Variants in ADPRH observed in about 807,000 individuals in gnomAD.
ADPRH encodes ADP-ribose-L-arginine cleaving enzyme.
ADPRH carries 27 observed loss-of-function variants against 28.8 expected under a neutral mutation model. The observed-to-expected ratio is 0.94, with a 90% CI of 0.69 to 1.29. The LOEUF (loss-of-function observed/expected upper bound fraction) is 1.29, where lower values mean the gene tolerates loss of function less well. Among genes scored for constraint, ADPRH ranks in the 50% most tolerant of loss-of-function variants. The pLI is 0.00. For synonymous variants in ADPRH, 161 were observed against 166.9 expected, an observed-to-expected ratio of 0.96 and a Z score of 0.27; for missense variants, 419 against 444.8, an observed-to-expected ratio of 0.94 and a Z score of 0.52.
chr3:119,582,010 T>G, intron 2 of ADPRH, 124 bp from the exon 3 acceptor site: 434 of 699,540 alleles, frequency 6.2e-4, no homozygotes, highest in Non-Finnish European at 9.3e-4. Flanking sequence ...GAGGATTACA[T>G]GAGATGCCAC....
At position 119,582,380 on chromosome 3, in the gene ADPRH, G is replaced by T. The variant is rs1433468380; in HGVS notation, c.211G>T (p.Gly71Trp). ...LATAEALVEA[G>W]KAPKLTQLYY... is the part of the protein sequence containing the mutation. ...CACAGCAGAAGCTCTTGTGGAAGCTGGGAAAGCCCCTAAGTTGACTCAACT... is the reference window on the plus strand; with the variant it reads ...CACAGCAGAAGCTCTTGTGGAAGCTTGGAAAGCCCCTAAGTTGACTCAACT... The change falls in exon 3 of 5, where the codon GGG becomes TGG. Residue 71 changes from glycine to tryptophan, a missense_variant. Gly to Trp is a radical substitution (Grantham distance 184). Transcript: ENST00000357003. 6 of 1,614,172 alleles carry T rather than the reference G, an allele frequency of 3.7e-6. No homozygotes were observed. Among genetic ancestry groups the T allele is most frequent in the Non-Finnish European group, 5.1e-6 (6 of 1,180,028 alleles).
At chr3:119,584,877 C>T (rs573952870) in intron 3 of ADPRH, among the ~76,000 whole-genome samples, 1 of 152,294 alleles carries the variant, frequency 6.6e-6, no homozygotes, top group Admixed American at 6.5e-5. Flanking sequence ...CTCGCTGTGT[C>T]CTCACATGGT....
intron 2 of ADPRH, 78 bp from the exon 3 acceptor site, chr3:119,582,056 A>T: frequency 5.9e-6 from 7 of 1,180,120 alleles, no homozygotes; most frequent in Non-Finnish European, 8.4e-6. Flanking sequence ...TGCTCAATAA[A>T]ACATAGCTAG....
chr3:119,583,978 A>G (rs1204467157), intron 3 of ADPRH, among the ~76,000 whole-genome samples: 1 of 151,604 alleles, frequency 6.6e-6, no homozygotes, highest in Non-Finnish European at 1.5e-5. Flanking sequence ...GGGTTTCACC[A>G]TGTTGGCCAG....
intron 3 of ADPRH, among the ~76,000 whole-genome samples, chr3:119,583,052 A>T (rs1462949807): frequency 1.3e-5 from 2 of 152,158 alleles, no homozygotes; most frequent in Non-Finnish European, 2.9e-5. Context: ...GCTGGGGACT[A>T]CAACTCCAGA....
chr3:119,581,510 G>A (rs934160869), intron 2 of ADPRH, among the ~76,000 whole-genome samples: 4 of 152,188 alleles, frequency 2.6e-5, no homozygotes, highest in Admixed American at 6.5e-5. Flanking sequence ...GAGGCTGAGT[G>A]GTGTGATACC....
intron 4 of ADPRH, 79 bp from the exon 5 acceptor site, chr3:119,587,383 TCA>T: frequency 8.3e-7 from 1 of 1,206,554 alleles, no homozygotes; most frequent in Non-Finnish European, 1.1e-6. Context: ...TTTTCTCTGT[TCA>T]CACATCCATC....
chr3:119,584,978 C>T (rs151294280), intron 3 of ADPRH, among the ~76,000 whole-genome samples: 1 of 152,210 alleles, frequency 6.6e-6, no homozygotes, highest in Non-Finnish European at 1.5e-5. Context: ...TAGGGCCTAC[C>T]CTAAAGGCCA....
chr3:119,586,424 C>T lies in ADPRH; in HGVS notation c.438C>T (p.Ser146=), dbSNP rs919242705. ...TCGGTCTCAGGTTCCCACACCATAG[C>T]CAACTGGACACACTGATCCAAGTGA... ...MCIGLRFPHH[S]QLDTLIQVSI... The change falls in exon 4 of 5, where the codon AGC becomes AGT. Residue 146 remains serine (S), a synonymous_variant. Transcript: ENST00000357003. 1.6e-5 allele frequency: 26 copies of T among 1,614,210 alleles called. No individual in the cohort carries two copies. The highest frequency in any genetic ancestry group is 2.1e-5 in the Non-Finnish European group (25 of 1,180,040).
intron 2 of ADPRH, among the ~76,000 whole-genome samples, chr3:119,581,146 C>A (rs1287743492): frequency 6.7e-6 from 1 of 148,608 alleles, no homozygotes; most frequent in Non-Finnish European, 1.5e-5. Flanking sequence ...CGGCTCACTG[C>A]AACCTCTGCC....
At chr3:119,584,212 A>G (rs970455217) in intron 3 of ADPRH, among the ~76,000 whole-genome samples, 1 of 151,992 alleles carries the variant, frequency 6.6e-6, no homozygotes, top group African/African-American at 2.4e-5. Flanking sequence ...ACTTACTTGT[A>G]TTTCTAAGTT....
intron 3 of ADPRH, among the ~76,000 whole-genome samples, chr3:119,583,665 A>G (rs1350068284): frequency 6.6e-6 from 1 of 152,196 alleles, no homozygotes; most frequent in African/African-American, 2.4e-5. Context: ...TAATCCCAAC[A>G]CTGTGAAAGG....
intron 3 of ADPRH, among the ~76,000 whole-genome samples, chr3:119,584,361 G>C (rs1021116760): frequency 1.3e-5 from 2 of 152,042 alleles, no homozygotes; most frequent in Non-Finnish European, 2.9e-5. Context: ...TCAGGAGTTT[G>C]AGACTAGCCT....
rs1401212537 is a variant in ADPRH, at chr3:119,586,625, A to G, written c.639A>G (p.Val213=). 7 of 1,613,866 alleles carry G rather than the reference A, an allele frequency of 4.3e-6. No individual in the cohort carries two copies. In the South Asian group the frequency reaches 5.5e-5, roughly 13 times the overall value. The change falls in exon 4 of 5, where the codon GTA becomes GTG. Residue 213 remains valine, a synonymous_variant. Coordinates refer to ENST00000357003, the MANE Select transcript of ADPRH (RefSeq NM_001125.4). Reference sequence around the variant, plus strand: ...ACATTGTCCAATCAGGCTACTTTGTAGAGGAAAATCTTCAACACTGGTGAG... The same window carrying G: ...ACATTGTCCAATCAGGCTACTTTGTGGAGGAAAATCTTCAACACTGGTGAG... ...KKYIVQSGYF[V]EENLQHWSYF... is the part of the protein sequence containing the mutation.
chr3:119,584,232 G>A lies in ADPRH; in HGVS notation c.298+1765G>A, dbSNP rs529491060. Among the ~76,000 whole-genome samples the A allele has an allele frequency of 6.6e-5, 10 of 152,004 alleles. No individual in the cohort carries two copies. The East Asian group carries it at 1.7e-3, about 26-fold the overall frequency. On this transcript the variant is annotated intron_variant, in intron 3 of 4. Transcript: ENST00000357003. ...CTTGTATTTCTAAGTTTTCTGTGATGAATAAGTAAAAAGAAAAATGTATAT... is the reference window on the plus strand; with the variant it reads ...CTTGTATTTCTAAGTTTTCTGTGATAAATAAGTAAAAAGAAAAATGTATAT...
In ADPRH at chr3:119,586,390, C is replaced by G; in HGVS notation, c.404C>G (p.Ala135Gly). 6.2e-7 allele frequency: 1 copy of G among 1,614,216 alleles called. No homozygotes were observed. Among genetic ancestry groups the G allele is most frequent in the Non-Finnish European group, 8.5e-7 (1 of 1,180,046 alleles). The change falls in exon 4 of 5, where the codon GCC becomes GGC. Residue 135 changes from alanine to glycine, a missense_variant. By Grantham distance (60) the Ala-to-Gly change is moderately conservative. Coordinates refer to ENST00000357003, the MANE Select transcript of ADPRH (RefSeq NM_001125.4). ...GGCGGCTGTGGGGCTGCCATGCGGG[C>G]CATGTGCATCGGTCTCAGGTTCCCA... ...HEGGCGAAMR[A>G]MCIGLRFPHH...
At chr3:119,585,293 A>G (rs1288498032) in intron 3 of ADPRH, among the ~76,000 whole-genome samples, 1 of 152,134 alleles carries the variant, frequency 6.6e-6, no homozygotes, top group African/African-American at 2.4e-5. Flanking sequence ...GCCACACTCC[A>G]TCGTATGTTG....
rs1473236654 is a variant in ADPRH at position 119,589,436 on chromosome 3, T to G, written c.*1558T>G. 6.6e-6 allele frequency: 1 copy of G among 152,138 alleles called. No homozygotes were observed. The highest frequency in any genetic ancestry group is 1.5e-5 in the Non-Finnish European group (1 of 68,042). 9.4% of individuals were successfully genotyped at this position (152,138 alleles called of 1,614,324 possible). A position where few individuals can be genotyped will look rare whatever the true frequency, so the allele number is the denominator to read the frequency against. On this transcript the variant is annotated 3_prime_UTR_variant, in exon 5 of 5. Transcript: ENST00000357003. ...GATTTTTCCTTTGTGAAATCCCTGG[T>G]TTTCAGCTGGAAGCGGTGGGTAAAT...
Position 119,585,619 on chromosome 3 carries a change from G to A in ADPRH, c.299-666G>A, listed in dbSNP as rs146552923. Among the ~76,000 whole-genome samples the A allele has an allele frequency of 1.9e-3, 296 of 152,312 alleles. 1 individual carries two copies. Among genetic ancestry groups the A allele is most frequent in the African/African-American group, 6.9e-3 (288 of 41,554 alleles). On this transcript the variant is annotated intron_variant, in intron 3 of 4. Transcript: ENST00000357003. Reference sequence around the variant, plus strand: ...GGCCAGGGTGCAGTGGTGCAATCTCGACTCACTGCAACCTCTGCCTCCCGG... The same window carrying A: ...GGCCAGGGTGCAGTGGTGCAATCTCAACTCACTGCAACCTCTGCCTCCCGG...
Sources: allele counts gnomAD v4.1 joint callset (sites outside exome capture counted in the v4.1 genomes callset), GRCh38; gene constraint gnomAD v4.1.1; transcripts MANE v1.5; gene names NCBI Gene and HGNC (gene_info 2026-07-23, HGNC 2026-07-21).